The following SUGT1 variants were observed in gnomAD, a reference collection of about 807,000 sequenced individuals.
The protein encoded by SUGT1 is protein SGT1 homolog.
SUGT1 carries 15 observed loss-of-function variants against 56.1 expected under a neutral mutation model. The observed-to-expected ratio is 0.27, with a 90% CI of 0.18 to 0.41. The LOEUF is 0.41. Ranked by LOEUF, SUGT1 falls within the 10% of genes least tolerant of loss-of-function variation. SUGT1 has a pLI of 1.00. For synonymous variants in SUGT1, 123 were observed against 128.6 expected (o/e 0.96, Z 0.30); for missense variants, 347 against 382.2 (o/e 0.91, Z 0.77).
At chr13:52,659,150 CTTAAT>C (rs778915781) in intron 4 of SUGT1, 24 bp from the exon 5 acceptor site, 1 of 1,500,798 alleles carries the variant, frequency 6.7e-7, no homozygotes, top group South Asian at 1.3e-5. Flanking sequence ...TTTTGTGTGT[CTTAAT>C]TTGTTTTAAA....
In SUGT1 at chr13:52,665,743, C is replaced by G; in HGVS notation, c.519+10C>G. The G allele has an allele frequency of 1.3e-6, 2 of 1,562,662 alleles. No homozygotes were observed. Among genetic ancestry groups the G allele is most frequent in the African/African-American group, 1.4e-5 (1 of 72,410 alleles). ...ATTTTCAGAAAAAGAGGTCAGTAGA[C>G]TGAATCATTTTTCAATGTTGATTAC... On this transcript the variant is annotated intron_variant, in intron 9 of 12. Transcript: ENST00000310528.
Position 52,700,125 on chromosome 13 carries a change from T to G in SUGT1, c.*12290T>G, listed in dbSNP as rs1964040837. Reference sequence around the variant, plus strand: ...ATATCTCTTAAATGGTTTTGAATAATTTGGTGTTTTAACCAATGACTTAAT... The same window carrying G: ...ATATCTCTTAAATGGTTTTGAATAAGTTGGTGTTTTAACCAATGACTTAAT... On this transcript the variant is annotated 3_prime_UTR_variant, in exon 13 of 13. Coordinates refer to ENST00000310528, the MANE Select transcript of SUGT1 (RefSeq NM_006704.5). 6.6e-6 allele frequency: 1 copy of G among 152,198 alleles called. No individual in the cohort carries two copies. The highest frequency in any genetic ancestry group is 2.4e-5 in the African/African-American group (1 of 41,454). 9.4% of individuals were successfully genotyped at this position (152,198 alleles called of 1,614,324 possible). A position where few individuals can be genotyped will look rare whatever the true frequency, so the allele number is the denominator to read the frequency against.
chr13:52,671,042 A>C (rs1962915028), intron 10 of SUGT1, among the ~76,000 whole-genome samples: 1 of 152,050 alleles, frequency 6.6e-6, no homozygotes, highest in South Asian at 2.1e-4. Flanking sequence ...CCTATTGCTT[A>C]ATGTTCATAG....
In SUGT1 at chr13:52,697,466, A is replaced by G. The variant is rs189231133; in HGVS notation, c.*9631A>G. 132 of 152,324 alleles carry G rather than the reference A, an allele frequency of 8.7e-4. 1 individual carries two copies. The highest frequency in any genetic ancestry group is 3.1e-3 in the African/African-American group (127 of 41,568). 9.4% of individuals were successfully genotyped at this position (152,324 alleles called of 1,614,324 possible). ...GCCAGGAGTGGAATTAGGTTTGAGC[A>G]TATGTAGCAATATGGAAACAAAGAG... On this transcript the variant is annotated 3_prime_UTR_variant, in exon 13 of 13. Coordinates refer to ENST00000310528, the MANE Select transcript of SUGT1 (RefSeq NM_006704.5).
intron 10 of SUGT1, among the ~76,000 whole-genome samples, chr13:52,673,894 A>C (rs1963038613): frequency 6.6e-6 from 1 of 152,196 alleles, no homozygotes; most frequent in South Asian, 2.1e-4. Flanking sequence ...ATATCGTAGC[A>C]GTGACAACTT....
chr13:52,686,599 G>A (rs1209093582), intron 12 of SUGT1, among the ~76,000 whole-genome samples: 1 of 152,184 alleles, frequency 6.6e-6, no homozygotes, highest in African/African-American at 2.4e-5. Flanking sequence ...CCATGTAAGG[G>A]AGCTCGGTAG....
chr13:52,690,830 C>T lies in SUGT1; in HGVS notation c.*2995C>T, dbSNP rs1238890928. 1.3e-5 allele frequency: 2 copies of T among 152,138 alleles called. No homozygotes were observed. The highest frequency in any genetic ancestry group is 2.9e-5 in the Non-Finnish European group (2 of 68,020). The allele number at this position is 152,138 out of a possible 1,614,324, so 9.4% of individuals were successfully genotyped here. A position where few individuals can be genotyped will look rare whatever the true frequency, so the allele number is the denominator to read the frequency against. On this transcript the variant is annotated 3_prime_UTR_variant, in exon 13 of 13. Transcript: ENST00000310528. ...GAAATGGAATGGAGAAAGAGGATGGCTTGCATTAATAACTCTAGTTTTTAA... is the reference window on the plus strand; with the variant it reads ...GAAATGGAATGGAGAAAGAGGATGGTTTGCATTAATAACTCTAGTTTTTAA...
intron 3 of SUGT1, chr13:52,658,084 G>T (rs1003646711): frequency 8.0e-7 from 1 of 1,244,774 alleles, no homozygotes; most frequent in Non-Finnish European, 1.0e-6. Context: ...TCTGTATTTT[G>T]TACCTTCTGA....
intron 2 of SUGT1, among the ~76,000 whole-genome samples, chr13:52,656,992 G>A (rs1962196935): frequency 1.3e-5 from 2 of 152,156 alleles, no homozygotes; most frequent in South Asian, 4.1e-4. Context: ...TCTGGGCTTT[G>A]AACAGAATAT....
At chr13:52,658,112 A>G (rs1025788681) in intron 3 of SUGT1, 3 of 1,311,478 alleles carry the variant, frequency 2.3e-6, no homozygotes, top group African/African-American at 3.0e-5. Flanking sequence ...AAAACTGAAT[A>G]CCTTGAGTAA....
chr13:52,657,483 A>T, intron 2 of SUGT1, 49 bp from the exon 3 acceptor site: 1 of 1,484,528 alleles, frequency 6.7e-7, no homozygotes, highest in Non-Finnish European at 9.4e-7. Flanking sequence ...TTAGAATTTG[A>T]TGGCTTCTTA....
chr13:52,662,833 C>A, intron 6 of SUGT1, 131 bp downstream of exon 6: 2 of 961,310 alleles, frequency 2.1e-6, no homozygotes, highest in Non-Finnish European at 3.1e-6. Context: ...TAGATGTGGA[C>A]TTCCAAAGAT....
rs1594266532 is a variant in SUGT1, at chr13:52,694,491, C to T, written c.*6656C>T. Reference sequence around the variant, plus strand: ...AAAGAATCGTAAAATAAAATAGTGGCAGAAAATATAAACTAGATGTAGAAT... The same window carrying T: ...AAAGAATCGTAAAATAAAATAGTGGTAGAAAATATAAACTAGATGTAGAAT... On this transcript the variant is annotated 3_prime_UTR_variant, in exon 13 of 13. Transcript: ENST00000310528. 1.3e-5 allele frequency: 2 copies of T among 152,260 alleles called. No homozygotes were observed. The highest frequency in any genetic ancestry group is 2.4e-5 in the African/African-American group (1 of 41,558). 9.4% of individuals were successfully genotyped at this position (152,260 alleles called of 1,614,324 possible). A position where few individuals can be genotyped will look rare whatever the true frequency, so the allele number is the denominator to read the frequency against.
chr13:52,657,319 G>A (rs7335091), intron 2 of SUGT1, among the ~76,000 whole-genome samples: 151,180 of 152,322 alleles, frequency 0.99, 75,024 homozygotes, highest in East Asian at 1. Context: ...GTACAGAGAT[G>A]CTACATTAGA....
At chr13:52,668,205 C>A (rs1327918997) in intron 10 of SUGT1, among the ~76,000 whole-genome samples, 1 of 152,166 alleles carries the variant, frequency 6.6e-6, no homozygotes, top group East Asian at 1.9e-4. Flanking sequence ...TGGTCTTGAT[C>A]TCCTGACCAC....
chr13:52,675,535 C>T (rs917502431), intron 10 of SUGT1, among the ~76,000 whole-genome samples: 1 of 152,164 alleles, frequency 6.6e-6, no homozygotes, highest in Non-Finnish European at 1.5e-5. Context: ...TATGATCCTT[C>T]TACTGCACTC....
In SUGT1 at chr13:52,688,490, G is replaced by A. The variant is rs536983995; in HGVS notation, c.*655G>A. The A allele has an allele frequency of 1.3e-5, 2 of 152,218 alleles. No homozygotes were observed. The highest frequency in any genetic ancestry group is 4.8e-5 in the African/African-American group (2 of 41,532). 9.4% of individuals were successfully genotyped at this position (152,218 alleles called of 1,614,324 possible). A position where few individuals can be genotyped will look rare whatever the true frequency, so the allele number is the denominator to read the frequency against. ...TTAACACACTGCAAGTTTATACTAAGGATAATCTGTGAAGGTAGGGCAAAG... is the reference window on the plus strand; with the variant it reads ...TTAACACACTGCAAGTTTATACTAAAGATAATCTGTGAAGGTAGGGCAAAG... On this transcript the variant is annotated 3_prime_UTR_variant, in exon 13 of 13. Coordinates refer to ENST00000310528, the MANE Select transcript of SUGT1 (RefSeq NM_006704.5).
chr13:52,655,653 G>A (rs1962131509), intron 2 of SUGT1, among the ~76,000 whole-genome samples: 1 of 152,162 alleles, frequency 6.6e-6, no homozygotes, highest in Admixed American at 6.5e-5. Flanking sequence ...CTGGCTGGGG[G>A]AATGTTGTAG....
At chr13:52,678,180 G>A (rs1004916367) in intron 11 of SUGT1, among the ~76,000 whole-genome samples, 4 of 151,982 alleles carry the variant, frequency 2.6e-5, no homozygotes, top group South Asian at 4.1e-4. Context: ...ACCATGGCAC[G>A]CATTTTTTGT....
Sources: allele counts gnomAD v4.1 joint callset (sites outside exome capture counted in the v4.1 genomes callset), GRCh38; gene constraint gnomAD v4.1.1; transcripts MANE v1.5; gene names NCBI Gene and HGNC (gene_info 2026-07-23, HGNC 2026-07-21).